The following POLR2F variants were observed in gnomAD, a reference collection of about 807,000 sequenced individuals.
The protein encoded by POLR2F is RNA polymerase II, I and III subunit F, also known as DNA-directed RNA polymerases I, II, and III subunit RPABC2.
Under a neutral mutation model 22.7 loss-of-function variants are expected in POLR2F, and 12 were observed. The ratio of observed to expected loss-of-function variants is 0.53; its 90% CI spans 0.34 to 0.86. The LOEUF (loss-of-function observed/expected upper bound fraction) is 0.86. POLR2F is among the 40% of genes least tolerant of loss of function. The pLI is 0.02. For missense variants in POLR2F, 126 were observed against 171.5 expected, an observed-to-expected ratio of 0.73 and a Z score of 1.48; for synonymous variants, 57 against 66.0, an observed-to-expected ratio of 0.86 and a Z score of 0.66.
In POLR2F at chr22:38,016,447, C is replaced by T. The variant is rs2084916021; in HGVS notation, c.121-9422C>T. Among the ~76,000 whole-genome samples the T allele has an allele frequency of 6.6e-6, 1 of 152,178 alleles. No homozygotes were observed. Among genetic ancestry groups the T allele is most frequent in the Non-Finnish European group, 1.5e-5 (1 of 68,036 alleles). On this transcript the variant is annotated intron_variant, in intron 1 of 2. Coordinates refer to the POLR2F transcript ENST00000333418. This position sits in a 1 kb window ranked among gnomAD's most constrained non-coding sequence, Gnocchi z 4.4. Reference sequence around the variant, plus strand: ...CTCCCAGAGAAGGGACCATTGTGTCCGAAGGGTTAACGAGGGATGTGAGGA... The same window carrying T: ...CTCCCAGAGAAGGGACCATTGTGTCTGAAGGGTTAACGAGGGATGTGAGGA...
intron 5 of POLR2F, among the ~76,000 whole-genome samples, chr22:38,039,547 G>A (rs1297861300): frequency 6.6e-6 from 1 of 152,190 alleles, no homozygotes; most frequent in Non-Finnish European, 1.5e-5. Context: ...GCCCGGGGGA[G>A]GGGAAGGATG....
intron 1 of POLR2F, among the ~76,000 whole-genome samples, chr22:37,992,061 C>T (rs1258578783): frequency 6.6e-6 from 1 of 152,216 alleles, no homozygotes; most frequent in East Asian, 1.9e-4. Flanking sequence ...GTCTCAAACT[C>T]TTGGGCTCAA....
chr22:38,012,580 C>T (rs2084879980), intron 1 of POLR2F, among the ~76,000 whole-genome samples: 1 of 152,122 alleles, frequency 6.6e-6, no homozygotes. Flanking sequence ...TCAGTTTTCC[C>T]ATTAATGTCG....
chr22:38,022,578 A>C (rs950632896), intron 1 of POLR2F, among the ~76,000 whole-genome samples: 2 of 151,728 alleles, frequency 1.3e-5, no homozygotes, highest in African/African-American at 2.4e-5. Flanking sequence ...AAAAGAAAGA[A>C]AGACAGAAAA....
chr22:37,984,704 AC>A (rs1412999669), upstream of POLR2F, among the ~76,000 whole-genome samples: 1 of 151,108 alleles, frequency 6.6e-6, no homozygotes. The surrounding 1 kb of genome is among the most constrained non-coding windows in gnomAD (Gnocchi z 4.4). Context: ...AGGCCCCCCC[AC>A]CCAGCTCCCT....
At chr22:37,986,018 T>G (rs1601889221), upstream of POLR2F, 57 of 780,628 alleles carry the variant, frequency 7.3e-5, no homozygotes, top group East Asian at 1.2e-4. The surrounding 1 kb of genome is among the most constrained non-coding windows in gnomAD (Gnocchi z 4.7). Context: ...CCAACCCTCC[T>G]CCCCCCGCCT....
At chr22:37,983,818 C>A, upstream of POLR2F, 2 of 1,398,420 alleles carry the variant, frequency 1.4e-6, no homozygotes, top group Non-Finnish European at 1.9e-6. The surrounding 1 kb of genome is among the most constrained non-coding windows in gnomAD (Gnocchi z 9.5). Context: ...CCGCCTCGGC[C>A]GCCTCCCCCG....
chr22:37,959,995 G>A (rs1931565404), intron 3 of POLR2F, among the ~76,000 whole-genome samples: 1 of 151,738 alleles, frequency 6.6e-6, no homozygotes, highest in Non-Finnish European at 1.5e-5. Context: ...ATAGAGACGG[G>A]GTCTCGCCAT....
upstream of POLR2F, chr22:37,983,630 C>A: frequency 6.2e-7 from 1 of 1,603,534 alleles, no homozygotes. The surrounding 1 kb of genome is among the most constrained non-coding windows in gnomAD (Gnocchi z 9.5). Context: ...CTTGACCTTG[C>A]CCAGCTCGCC....
chr22:37,984,996 AG>A (rs1932529974), upstream of POLR2F: 1 of 152,330 alleles, frequency 6.6e-6, no homozygotes, highest in Non-Finnish European at 1.5e-5. The surrounding 1 kb of genome is among the most constrained non-coding windows in gnomAD (Gnocchi z 4.4). Flanking sequence ...TTGAGTGCCT[AG>A]TGTGTGCCAG....
At chr22:37,966,698 G>A (rs1331152994) in intron 3 of POLR2F, among the ~76,000 whole-genome samples, 1 of 152,108 alleles carries the variant, frequency 6.6e-6, no homozygotes, top group Non-Finnish European at 1.5e-5. Context: ...CTGGGAGGTG[G>A]AGGTTGCAGT....
intron 1 of POLR2F, among the ~76,000 whole-genome samples, chr22:38,022,684 TAGA>T (rs1326487757): frequency 6.6e-6 from 1 of 151,680 alleles, no homozygotes; most frequent in African/African-American, 2.4e-5. Flanking sequence ...ATGCACAAAG[TAGA>T]AGTTTTAAAA....
At chr22:37,986,061 G>A (rs978818503), upstream of POLR2F, 70 of 1,414,498 alleles carry the variant, frequency 4.9e-5, no homozygotes, top group Non-Finnish European at 5.5e-5. The surrounding 1 kb of genome is among the most constrained non-coding windows in gnomAD (Gnocchi z 4.7). Flanking sequence ...ACTCTTGTTC[G>A]GGGCCTTGAA....
At chr22:38,032,518 G>C (rs570122013) in intron 5 of POLR2F, 1 of 152,298 alleles carries the variant, frequency 6.6e-6, no homozygotes, top group African/African-American at 2.4e-5. Flanking sequence ...GGAGAGACCG[G>C]GGTCTCTGCC....
upstream of POLR2F, chr22:37,983,807 G>A (rs1456882416): frequency 1.4e-6 from 2 of 1,405,640 alleles, no homozygotes; most frequent in Admixed American, 2.7e-5. The surrounding 1 kb of genome is among the most constrained non-coding windows in gnomAD (Gnocchi z 9.5). Flanking sequence ...CGCCGCCGCC[G>A]CCGCCTCGGC....
At position 37,980,397 on chromosome 22, in the gene POLR2F, G is replaced by T. The variant is rs937530787; in HGVS notation, c.293+13227G>T. Among the ~76,000 whole-genome samples, 5 of 152,152 alleles carry T rather than the reference G, an allele frequency of 3.3e-5. No individual in the cohort carries two copies. The highest frequency in any genetic ancestry group is 9.7e-5 in the African/African-American group (4 of 41,420). On this transcript the variant is annotated intron_variant, in intron 4 of 4. Coordinates refer to the POLR2F transcript ENST00000405557. This position sits in a 1 kb window ranked among gnomAD's most constrained non-coding sequence, Gnocchi z 4.1. ...CCCAGCTGGCAGCCAGCATCAGCAA[G>T]AAAGTGACAGGGGCCAGAAGAGAGA... is the stretch of plus-strand genomic sequence containing the variant.
chr22:38,006,939 G>A (rs1271612229), intron 1 of POLR2F, among the ~76,000 whole-genome samples: 1 of 152,230 alleles, frequency 6.6e-6, no homozygotes, highest in African/African-American at 2.4e-5. Flanking sequence ...AGTTTCCAGA[G>A]TGCACCCTGC....
In POLR2F at chr22:37,967,397, T is replaced by C. The variant is rs1281243359; in HGVS notation, c.293+227T>C. ...CGTCTTCTGGCTGTTGGAATTTCCC[T>C]GTTCCTGCTGCAGGAGGCCTTACCA... On this transcript the variant is annotated intron_variant, in intron 4 of 4. Coordinates refer to ENST00000442738, the MANE Select transcript of POLR2F (RefSeq NM_021974.5). 9.1e-6 allele frequency: 13 copies of C among 1,436,188 alleles called. No individual in the cohort carries two copies. The East Asian group carries it at 3.3e-4, about 36-fold the overall frequency. 89.0% of individuals were successfully genotyped at this position (1,436,188 alleles called of 1,614,324 possible).
chr22:38,036,706 G>T (rs1022817086), intron 5 of POLR2F, among the ~76,000 whole-genome samples: 1 of 151,948 alleles, frequency 6.6e-6, no homozygotes, highest in Non-Finnish European at 1.5e-5. Context: ...TTGCGATGGA[G>T]TTCAGACCAC....
Sources: allele counts gnomAD v4.1 joint callset (sites outside exome capture counted in the v4.1 genomes callset), GRCh38; gene constraint gnomAD v4.1.1; non-coding constraint Gnocchi (gnomAD v3.1); transcripts MANE v1.5; gene names NCBI Gene and HGNC (gene_info 2026-07-23, HGNC 2026-07-21).